ARHGAP6: variants seen among roughly 807,000 people sequenced by gnomAD.
ARHGAP6 encodes rho GTPase-activating protein 6.
A neutral mutation model predicts 55.7 loss-of-function variants in ARHGAP6; 16 were observed. That is an observed-to-expected ratio of 0.29 (90% confidence interval 0.19 to 0.44). ARHGAP6 has a LOEUF of 0.44. Ranked by LOEUF, ARHGAP6 falls within the 20% of genes least tolerant of loss-of-function variation. The pLI, the probability that ARHGAP6 is intolerant of heterozygous loss-of-function variation, is 1.00. For missense variants in ARHGAP6, 698 were observed against 808.9 expected (o/e 0.86, Z 1.66); for synonymous variants, 382 against 360.9 (o/e 1.06, Z -0.66).
chrX:11,221,470 G>T lies in ARHGAP6; in HGVS notation c.749-24474C>A, dbSNP rs749056120. The T allele has an allele frequency of 5.9e-5, 9 of 153,797 alleles. No individual in the cohort carries two copies. The South Asian group carries it at 1.3e-3, about 23-fold the overall frequency. The allele number at this position is 153,797 out of a possible 1,213,427, so 12.7% of individuals were successfully genotyped here. ...GCTGTACGAATTAGTGGACAAGACT[G>T]TCTTAAATGCCTTCTTCTCATATAT... On this transcript the variant is annotated intron_variant, in intron 2 of 12. Transcript: ENST00000337414.
At chrX:11,372,103 T>C (rs2049149880) in intron 1 of ARHGAP6, among the ~76,000 whole-genome samples, 1 of 112,463 alleles carries the variant, frequency 8.9e-6, no homozygotes, top group Admixed American at 9.4e-5. Flanking sequence ...GAAATAATTT[T>C]GCAGTTTATA....
rs986448850 is a variant in ARHGAP6, at chrX:11,139,307, T to G, written c.2481A>C (p.Ala827=). The change falls in exon 13 of 13, where the codon GCA becomes GCC. Residue 827 remains alanine, a synonymous_variant. Transcript: ENST00000337414. ...RACSTPHVQV[A]GKAERPTARS... ...TGGCCGTGGGCCGCTCGGCTTTCCC[T>G]GCCACCTGGACGTGGGGCGTGCTGC... is the stretch of plus-strand genomic sequence containing the variant. 2.9e-5 allele frequency: 34 copies of G among 1,184,502 alleles called. No individual in the cohort carries two copies. The highest frequency in any genetic ancestry group is 3.9e-5 in the Non-Finnish European group (34 of 882,985).
At chrX:11,567,693 G>T (rs1328723888) in intron 1 of ARHGAP6, among the ~76,000 whole-genome samples, 2 of 108,996 alleles carry the variant, frequency 1.8e-5, no homozygotes, top group Admixed American at 9.8e-5. Flanking sequence ...ACAGGGTCTT[G>T]CTCTGTCGCC....
intron 1 of ARHGAP6, among the ~76,000 whole-genome samples, chrX:11,561,360 T>C (rs1317697076): frequency 4.5e-4 from 50 of 112,329 alleles, no homozygotes; most frequent in Non-Finnish European, 3.8e-5. Flanking sequence ...AGAAATTGTA[T>C]ACAAATTATG....
At chrX:11,206,583 G>T (rs1455831631) in intron 2 of ARHGAP6, among the ~76,000 whole-genome samples, 1 of 111,709 alleles carries the variant, frequency 9.0e-6, no homozygotes, top group Non-Finnish European at 1.9e-5. Flanking sequence ...TTAGTAGTAT[G>T]AAACACCTTT....
chrX:11,560,294 C>T (rs1413481351), intron 1 of ARHGAP6, among the ~76,000 whole-genome samples: 1 of 111,903 alleles, frequency 8.9e-6, no homozygotes, highest in Non-Finnish European at 1.9e-5. Context: ...GACTGTGTTC[C>T]AATAAAACCT....
chrX:11,587,691 A>G (rs1015144411), intron 1 of ARHGAP6, among the ~76,000 whole-genome samples: 1 of 112,293 alleles, frequency 8.9e-6, no homozygotes, highest in Non-Finnish European at 1.9e-5. Context: ...CCATTGGGTC[A>G]TCCCTGGGAA....
At chrX:11,627,730 G>C (rs1055196806) in intron 1 of ARHGAP6, among the ~76,000 whole-genome samples, 1 of 111,512 alleles carries the variant, frequency 9.0e-6, no homozygotes, top group East Asian at 2.8e-4. Flanking sequence ...GTAAAGTGGA[G>C]AATTAACATT....
chrX:11,624,607 C>T lies in ARHGAP6; in HGVS notation c.588+39634G>A, dbSNP rs905896928. 8.0e-5 allele frequency among the ~76,000 whole-genome samples: 9 copies of T among 112,503 alleles called. No homozygotes were observed. The East Asian group carries it at 8.3e-4, about 10-fold the overall frequency. On this transcript the variant is annotated intron_variant, in intron 1 of 12. Transcript: ENST00000337414. ...TTTTTGAGACGGAGTCTCGCTTTGT[C>T]GCCCAGGCCGGAGTGCTCACTGCAA... is the stretch of plus-strand genomic sequence containing the variant.
chrX:11,557,329 C>T (rs1333176419), intron 1 of ARHGAP6, among the ~76,000 whole-genome samples: 1 of 111,773 alleles, frequency 8.9e-6, no homozygotes, highest in Non-Finnish European at 1.9e-5. Flanking sequence ...AAGATAGCAA[C>T]CCCAATGCTG....
chrX:11,429,441 A>G (rs1427710894), intron 1 of ARHGAP6, among the ~76,000 whole-genome samples: 11 of 112,195 alleles, frequency 9.8e-5, no homozygotes, highest in Non-Finnish European at 2.1e-4. Context: ...GTAAACATTC[A>G]CTGTGCAGTA....
intron 1 of ARHGAP6, among the ~76,000 whole-genome samples, chrX:11,417,056 GTACA>G (rs2049756978): frequency 2.6e-5 from 1 of 37,920 alleles, no homozygotes; most frequent in African/African-American, 1.1e-4. Context: ...ATATGGGTGT[GTACA>G]TATATATATA....
At chrX:11,558,344 G>A (rs1380425546) in intron 1 of ARHGAP6, among the ~76,000 whole-genome samples, 2 of 111,497 alleles carry the variant, frequency 1.8e-5, no homozygotes, top group Non-Finnish European at 3.8e-5. Flanking sequence ...TTTGAACATC[G>A]CCAAACATCA....
At chrX:11,510,012 T>C (rs966977256) in intron 1 of ARHGAP6, among the ~76,000 whole-genome samples, 2 of 111,922 alleles carry the variant, frequency 1.8e-5, no homozygotes, top group Non-Finnish European at 3.8e-5. Context: ...AGATAGCAGT[T>C]GGTGTTTCAA....
intron 1 of ARHGAP6, chrX:11,298,337 T>C (rs2048119187): frequency 8.7e-7 from 1 of 1,150,514 alleles, no homozygotes; most frequent in Admixed American, 2.2e-5. Flanking sequence ...AAAATTCCCA[T>C]ATTAAGTGAA....
intron 1 of ARHGAP6, among the ~76,000 whole-genome samples, chrX:11,459,272 T>A (rs1569352515): frequency 1.8e-5 from 2 of 111,766 alleles, no homozygotes; most frequent in Admixed American, 1.9e-4. Flanking sequence ...CTTCGAGATA[T>A]GACTATCTTT....
rs56017440 is a variant in ARHGAP6 at position 11,240,766 on chromosome X, C to T, written c.748+13782G>A. Among the ~76,000 whole-genome samples the T allele has an allele frequency of 9.9e-3, 1,087 of 110,133 alleles. 9 individuals are homozygous for T. The highest frequency in any genetic ancestry group is 0.016 in the Non-Finnish European group (821 of 52,763). Reference sequence around the variant, plus strand: ...AAACCTAATTAAAGCAAAATGAGGCCGGGCATGGTGGCTCGTATCTGTAAT... The same window carrying T: ...AAACCTAATTAAAGCAAAATGAGGCTGGGCATGGTGGCTCGTATCTGTAAT... On this transcript the variant is annotated intron_variant, in intron 2 of 12. Transcript: ENST00000337414.
chrX:11,183,297 G>A (rs1416158227), intron 5 of ARHGAP6, among the ~76,000 whole-genome samples: 1 of 111,190 alleles, frequency 9.0e-6, no homozygotes, highest in Non-Finnish European at 1.9e-5. Flanking sequence ...CCCTCTGAAT[G>A]GTGCACAGGT....
At chrX:11,340,214 T>A (rs1389951099) in intron 1 of ARHGAP6, among the ~76,000 whole-genome samples, 1 of 111,841 alleles carries the variant, frequency 8.9e-6, no homozygotes, top group Non-Finnish European at 1.9e-5. Context: ...TGCAATGAAG[T>A]ACATACACCT....
Sources: allele counts gnomAD v4.1 joint callset (sites outside exome capture counted in the v4.1 genomes callset), GRCh38; gene constraint gnomAD v4.1.1; transcripts MANE v1.5; gene names NCBI Gene and HGNC (gene_info 2026-07-23, HGNC 2026-07-21).